The following UBOX5 variants were observed in gnomAD, a reference collection of about 807,000 sequenced individuals.
UBOX5 encodes U-box domain containing 5, also known as RING finger protein 37.
In UBOX5, 28 loss-of-function variants were observed where a neutral mutation model predicts 39.0. The observed-to-expected ratio is 0.72, with a 90% CI of 0.53 to 0.98. The LOEUF (loss-of-function observed/expected upper bound fraction) is 0.98, where lower values mean the gene tolerates loss of function less well. Ranked by LOEUF, UBOX5 falls within the 50% of genes least tolerant of loss-of-function variation. The pLI is 0.00. For missense variants in UBOX5, 585 were observed against 674.4 expected (o/e 0.87, Z 1.47); for synonymous variants, 283 against 275.5 (o/e 1.03, Z -0.27).
At chr20:3,156,277 G>GT (rs1430018808) in intron 1 of UBOX5, among the ~76,000 whole-genome samples, 2 of 150,092 alleles carry the variant, frequency 1.3e-5, no homozygotes, top group Admixed American at 6.8e-5. Context: ...CCGGGTTTAA[G>GT]TAATTCTCCT....
At position 3,148,351 on chromosome 20, in the gene UBOX5, A is replaced by G. The variant is rs75604939; in HGVS notation, c.-42+11415T>C. The G allele has an allele frequency of 3.6e-3, 5,770 of 1,614,142 alleles. 201 individuals are homozygous for G. The African/African-American group carries it at 0.068, about 19-fold the overall frequency. ...CAGCCACCAAAAGGAGCTGATCCAT[A>G]TTCATCTCCCATACCTGATGGCAAC... On this transcript the variant is annotated intron_variant, in intron 1 of 4. Transcript: ENST00000217173.
chr20:3,148,132 G>T, intron 1 of UBOX5: 1 of 1,613,804 alleles, frequency 6.2e-7, no homozygotes, highest in South Asian at 1.1e-5. Flanking sequence ...CCTCCAAATT[G>T]ATCAAATCTA....
intron 1 of UBOX5, among the ~76,000 whole-genome samples, chr20:3,137,551 G>C (rs1393266496): frequency 4.6e-5 from 7 of 152,210 alleles, no homozygotes; most frequent in African/African-American, 1.7e-4. Context: ...TTACAAGTGT[G>C]AGCCACCGTG....
At position 3,117,638 on chromosome 20, in the gene UBOX5, C is replaced by T. The variant is rs373167017; in HGVS notation, c.1256-2172G>A. 5.3e-5 allele frequency among the ~76,000 whole-genome samples: 8 copies of T among 152,084 alleles called. No individual in the cohort carries two copies. The East Asian group carries it at 7.7e-4, about 15-fold the overall frequency. On this transcript the variant is annotated intron_variant, in intron 3 of 4. Coordinates refer to ENST00000217173, the MANE Select transcript of UBOX5 (RefSeq NM_014948.4). The stretch of plus-strand genomic sequence containing the variant: ...GGCAGAGGTTGCAGTGAGCCAAGAT[C>T]GCACAAGTGCACTCCAGCCCGGGCG...
Position 3,149,244 on chromosome 20 carries a change from A to G in UBOX5, c.-42+10522T>C. The stretch of plus-strand genomic sequence containing the variant: ...GCCAGGGATCACAAATGACTGGGTC[A>G]GAATTGGTGCCAGATACTGAAAAAA... On this transcript the variant is annotated intron_variant, in intron 1 of 4. Transcript: ENST00000217173. This position sits in a 1 kb window ranked among gnomAD's most constrained non-coding sequence, Gnocchi z 4.1. The G allele has an allele frequency of 1.6e-6, 1 of 644,150 alleles. No homozygotes were observed. The allele number at this position is 644,150 out of a possible 1,614,324, so 39.9% of individuals were successfully genotyped here.
At chr20:3,123,956 G>A (rs1256021577) in intron 1 of UBOX5, among the ~76,000 whole-genome samples, 3 of 152,122 alleles carry the variant, frequency 2.0e-5, no homozygotes, top group African/African-American at 7.2e-5. Flanking sequence ...GGGAGGCTGA[G>A]GTGGTAGGAC....
chr20:3,147,952 G>C (rs760333265), intron 1 of UBOX5: 1 of 1,614,244 alleles, frequency 6.2e-7, no homozygotes, highest in Non-Finnish European at 8.5e-7. Flanking sequence ...TCTGCTTCAT[G>C]AAATTGATGT....
chr20:3,138,308 T>C (rs2066488554), intron 1 of UBOX5, among the ~76,000 whole-genome samples: 1 of 151,978 alleles, frequency 6.6e-6, no homozygotes, highest in Admixed American at 6.6e-5. Context: ...GAAAGTATTA[T>C]GATCATACAT....
intron 1 of UBOX5, among the ~76,000 whole-genome samples, chr20:3,156,425 T>C (rs1013620921): frequency 6.6e-6 from 1 of 152,142 alleles, no homozygotes; most frequent in Non-Finnish European, 1.5e-5. Context: ...GTGATCCACC[T>C]GCCTTGGCCT....
intron 1 of UBOX5, among the ~76,000 whole-genome samples, chr20:3,142,943 A>G (rs2066530223): frequency 6.6e-6 from 1 of 151,840 alleles, no homozygotes; most frequent in South Asian, 2.1e-4. Context: ...AAAAAGAAAA[A>G]AAAGGAATCC....
rs752589524 is a variant in UBOX5, at chr20:3,109,760, C to T, written c.*346G>A. 3 of 329,306 alleles carry T rather than the reference C, an allele frequency of 9.1e-6. No individual in the cohort carries two copies. The highest frequency in any genetic ancestry group is 1.8e-5 in the Non-Finnish European group (3 of 171,272). 20.4% of individuals were successfully genotyped at this position (329,306 alleles called of 1,614,324 possible). A position where few individuals can be genotyped will look rare whatever the true frequency, so the allele number is the denominator to read the frequency against. ...TGGGCCACAATCTAGGGTGAGCCAC[C>T]CACAGTGCCCTGCTGGACAGGGGGG... On this transcript the variant is annotated 3_prime_UTR_variant, in exon 5 of 5. Transcript: ENST00000217173.
At chr20:3,128,005 G>A (rs2066403273) in intron 1 of UBOX5, among the ~76,000 whole-genome samples, 1 of 152,184 alleles carries the variant, frequency 6.6e-6, no homozygotes, top group Non-Finnish European at 1.5e-5. Context: ...TGCTTTGCCA[G>A]AGAATTTTAG....
In UBOX5 at chr20:3,110,292, G is replaced by A. The variant is rs374139913; in HGVS notation, c.1440C>T (p.Gly480=). 40 of 1,614,006 alleles carry A rather than the reference G, an allele frequency of 2.5e-5. No homozygotes were observed. The highest frequency in any genetic ancestry group is 3.3e-4 in the Middle Eastern group (2 of 6,048). ...CTCTTTTGCAGGAGGCACATTCGGGGCCCAGGATGCTCCCAGGCTGCTCTG... is the reference window on the plus strand; with the variant it reads ...CTCTTTTGCAGGAGGCACATTCGGGACCCAGGATGCTCCCAGGCTGCTCTG... ...TGSEQPGSIL[G]PECASCKRVF... is the part of the protein sequence containing the mutation. Residue 480 remains glycine (G), a synonymous_variant, in exon 5 of 5, where the codon GGC becomes GGT. Coordinates refer to ENST00000217173, the MANE Select transcript of UBOX5 (RefSeq NM_014948.4).
intron 1 of UBOX5, among the ~76,000 whole-genome samples, chr20:3,135,546 T>TGAGGTAGTGTTTCCCATTCACTTAGC (rs2066463284): frequency 6.6e-6 from 1 of 151,842 alleles, no homozygotes; most frequent in Non-Finnish European, 1.5e-5. Context: ...CTTCACTTAG[T>TGAGGTAGTGTTTCCCATTCACTTAGC]AGGCTGAGGT....
intron 1 of UBOX5, among the ~76,000 whole-genome samples, chr20:3,125,870 C>T (rs1226806358): frequency 6.7e-6 from 1 of 148,976 alleles, no homozygotes; most frequent in Non-Finnish European, 1.5e-5. Flanking sequence ...GCGCCTCTGC[C>T]TGGCCGCCAC....
chr20:3,117,234 C>A (rs1297661514), intron 3 of UBOX5, among the ~76,000 whole-genome samples: 1 of 150,668 alleles, frequency 6.6e-6, no homozygotes, highest in Non-Finnish European at 1.5e-5. Context: ...AGAAAAAATT[C>A]TAAATTCTTT....
chr20:3,115,860 T>A (rs2066290236), intron 3 of UBOX5, among the ~76,000 whole-genome samples: 1 of 149,634 alleles, frequency 6.7e-6, no homozygotes, highest in Non-Finnish European at 1.5e-5. Context: ...GCCTCCTGGA[T>A]TCAAGCGATT....
At chr20:3,142,681 G>A (rs1223997898) in intron 1 of UBOX5, among the ~76,000 whole-genome samples, 5 of 144,772 alleles carry the variant, frequency 3.5e-5, no homozygotes, top group Non-Finnish European at 7.5e-5. Flanking sequence ...GCTGAGGCAC[G>A]AGAATCGCTT....
At chr20:3,127,092 G>A (rs2066396267) in intron 1 of UBOX5, among the ~76,000 whole-genome samples, 1 of 148,076 alleles carries the variant, frequency 6.8e-6, no homozygotes, top group Non-Finnish European at 1.5e-5. Flanking sequence ...TCATTTTAAT[G>A]GCCAATTCCA....
Sources: allele counts gnomAD v4.1 joint callset (sites outside exome capture counted in the v4.1 genomes callset), GRCh38; gene constraint gnomAD v4.1.1; non-coding constraint Gnocchi (gnomAD v3.1); transcripts MANE v1.5; gene names NCBI Gene and HGNC (gene_info 2026-07-23, HGNC 2026-07-21).